S100A16: variants seen among roughly 807,000 people sequenced by gnomAD.
S100A16 encodes S100 calcium binding protein A16.
In S100A16, 8 loss-of-function variants were observed where a neutral mutation model predicts 9.0. The observed-to-expected ratio is 0.89, with a 90% CI of 0.52 to 1.60. The LOEUF is 1.60. Ranked by LOEUF, S100A16 falls within the 40% of genes most tolerant of loss-of-function variation. The pLI is 0.00. For synonymous variants in S100A16, 51 were observed against 51.4 expected, an observed-to-expected ratio of 0.99 and a Z score of 0.04; for missense variants, 138 against 132.4, an observed-to-expected ratio of 1.04 and a Z score of -0.21.
In S100A16 at chr1:153,611,917, TCACA is replaced by T. The variant is rs55729519; in HGVS notation, c.-27+1031_-27+1034del. ...GCGTCTAACTCTCTTTGTCTCTCTC[TCACA>T]CACACACACACACACACACACACAC... On this transcript the variant is annotated intron_variant, in intron 1 of 2. Coordinates refer to ENST00000368706, the MANE Select transcript of S100A16 (RefSeq NM_080388.3). 5.8e-3 allele frequency among the ~76,000 whole-genome samples: 823 copies of T among 140,864 alleles called. 7 individuals carry two copies. Among genetic ancestry groups the T allele is most frequent in the African/African-American group, 0.019 (732 of 38,006 alleles). The allele number at this position is 140,864 out of a possible 152,430, so 92.4% of individuals were successfully genotyped here. A position where few individuals can be genotyped will look rare whatever the true frequency, so the allele number is the denominator to read the frequency against.
chr1:153,612,851 C>T (rs1666868811), intron 1 of S100A16, 101 bp downstream of exon 1: 1 of 152,364 alleles, frequency 6.6e-6, no homozygotes, highest in African/African-American at 2.4e-5. Context: ...CTGGCAGGCC[C>T]CTCTCCCCAG....
rs752881001 is a variant in S100A16 at position 153,607,990 on chromosome 1, AGGCCTTAC to A, written c.153+1_153+8del. Reference sequence around the variant, plus strand: ...GAGGGAGGCAAGGCCCTTGGGTGAGAGGCCTTACCGACAGCATGTGGTTCAGCTCTTTC... The same window carrying A: ...GAGGGAGGCAAGGCCCTTGGGTGAGACGACAGCATGTGGTTCAGCTCTTTC... On this transcript the variant is annotated splice_donor_variant and splice_donor_5th_base_variant and intron_variant, in intron 2 of 2. Coordinates refer to ENST00000368706, the MANE Select transcript of S100A16 (RefSeq NM_080388.3). LOFTEE classifies it high-confidence loss of function. The A allele has an allele frequency of 6.2e-7, 1 of 1,612,930 alleles. No individual in the cohort carries two copies. Among genetic ancestry groups the A allele is most frequent in the Non-Finnish European group, 8.5e-7 (1 of 1,179,216 alleles).
chr1:153,611,834 G>A (rs1257725197), intron 1 of S100A16, among the ~76,000 whole-genome samples: 3 of 137,038 alleles, frequency 2.2e-5, no homozygotes, highest in African/African-American at 5.2e-5. Flanking sequence ...AACAGCTCCC[G>A]GAGCATAGTG....
At position 153,608,135 on chromosome 1, in the gene S100A16, G is replaced by C. The variant is rs142651762; in HGVS notation, c.17C>G (p.Thr6Arg). Reference sequence around the variant, plus strand: ...GACAATGACTGCCTTCTCCAGCTCCGTGTAGCAGTCTGACATCTCCCTGCT... The same window carrying C: ...GACAATGACTGCCTTCTCCAGCTCCCTGTAGCAGTCTGACATCTCCCTGCT... MSDCY[T>R]ELEKAVIVLV... is the part of the protein sequence containing the mutation. The change falls in exon 2 of 3, where the codon ACG becomes AGG. Residue 6 changes from threonine (T) to arginine (R), a missense_variant. Transcript: ENST00000368706. 3.1e-6 allele frequency: 5 copies of C among 1,613,628 alleles called. No homozygotes were observed. The highest frequency in any genetic ancestry group is 1.6e-4 in the Middle Eastern group (1 of 6,080).
At chr1:153,612,774 G>A (rs1337193582) in intron 1 of S100A16, among the ~76,000 whole-genome samples, 178 bp downstream of exon 1, 1 of 152,002 alleles carries the variant, frequency 6.6e-6, no homozygotes, top group Non-Finnish European at 1.5e-5. Flanking sequence ...AACCCCCCAG[G>A]ACTCCCCATT....
intron 1 of S100A16, among the ~76,000 whole-genome samples, chr1:153,608,725 G>A (rs1214161862): frequency 2.0e-5 from 3 of 152,186 alleles, no homozygotes; most frequent in African/African-American, 4.8e-5. Flanking sequence ...AGTGAGTCCC[G>A]GGTCTCAGAA....
chr1:153,609,634 G>GT (rs1434119408), intron 1 of S100A16, among the ~76,000 whole-genome samples: 2 of 152,178 alleles, frequency 1.3e-5, no homozygotes, highest in Non-Finnish European at 2.9e-5. Context: ...CTTTAGGACA[G>GT]TTTTTTCAAT....
At chr1:153,609,899 G>A (rs1325745308) in intron 1 of S100A16, among the ~76,000 whole-genome samples, 2 of 152,112 alleles carry the variant, frequency 1.3e-5, no homozygotes, top group South Asian at 2.1e-4. Context: ...GTCAGGCTGC[G>A]GCTTCTCTGA....
chr1:153,612,096 C>G (rs1666849074), intron 1 of S100A16, among the ~76,000 whole-genome samples: 1 of 150,234 alleles, frequency 6.7e-6, no homozygotes, highest in East Asian at 2.0e-4. Context: ...TGGATCTTGC[C>G]CCCGCCTCCC....
intron 1 of S100A16, chr1:153,609,465 A>C: frequency 1.6e-6 from 1 of 612,530 alleles, no homozygotes; most frequent in Non-Finnish European, 2.0e-6. Context: ...CCTGACTCCC[A>C]CAGACGTGTC....
At chr1:153,609,181 G>C (rs1231178446) in intron 1 of S100A16, 3 of 985,462 alleles carry the variant, frequency 3.0e-6, no homozygotes, top group Non-Finnish European at 3.6e-6. Flanking sequence ...CCCTCACCCG[G>C]CGGGTCCTGG....
In S100A16 at chr1:153,613,057, A is replaced by G. The variant is rs1259948881; in HGVS notation, c.-132T>C. ...CCCAGCCGGGACTCCTCCCCGCTGC[A>G]CTCCCAGAATCTGTCCCACTCCCTC... On this transcript the variant is annotated 5_prime_UTR_variant, in exon 1 of 3. Transcript: ENST00000368706. 6.6e-6 allele frequency: 1 copy of G among 151,344 alleles called. No homozygotes were observed. Among genetic ancestry groups the G allele is most frequent in the Non-Finnish European group, 1.5e-5 (1 of 68,122 alleles). 9.4% of individuals were successfully genotyped at this position (151,344 alleles called of 1,614,324 possible).
rs745584925 is a variant in S100A16 at position 153,607,685 on chromosome 1, C to T, written c.161G>A (p.Gly54Glu). The T allele has an allele frequency of 6.2e-7, 1 of 1,614,174 alleles. No individual in the cohort carries two copies. The highest frequency in any genetic ancestry group is 2.2e-5 in the East Asian group (1 of 44,882). Residue 54 changes from glycine (G) to glutamate (E), a missense_variant, in exon 3 of 3, where the codon GGG becomes GAG. By Grantham distance (98) the Gly-to-Glu change is moderately conservative. Transcript: ENST00000368706. ...KELNHMLSDTGNRKAADKLIQ... is the reference protein window; with the variant it reads ...KELNHMLSDTENRKAADKLIQ... ...GAGCTTATCCGCAGCCTTCCGGTTC[C>T]CTGTGTCCTGGGGAGGAAGCAGGGT...
chr1:153,607,553 TC>T lies in S100A16; in HGVS notation c.292del (p.Glu98SerfsTer19), dbSNP rs1232077355. On this transcript the variant is annotated frameshift_variant, in exon 3 of 3. Transcript: ENST00000368706. LOFTEE classifies it high-confidence loss of function. ...GPIAKLIHEQ[E>X]QQSSS The stretch of plus-strand genomic sequence containing the variant: ...GGGTCTCTAGCTGCTGCTCTGCTGC[TC>T]CTGCTCATGGATGAGTTTGGCGATG... 7 of 1,614,078 alleles carry T rather than the reference TC, an allele frequency of 4.3e-6. No homozygotes were observed. Among genetic ancestry groups the T allele is most frequent in the Non-Finnish European group, 5.9e-6 (7 of 1,180,028 alleles).
At chr1:153,609,476 T>A in intron 1 of S100A16, 1 of 490,206 alleles carries the variant, frequency 2.0e-6, no homozygotes, top group Non-Finnish European at 2.7e-6. Flanking sequence ...CAGACGTGTC[T>A]GTCATCACCA....
intron 1 of S100A16, among the ~76,000 whole-genome samples, chr1:153,612,338 C>T (rs1666856158): frequency 1.3e-5 from 2 of 152,160 alleles, no homozygotes; most frequent in African/African-American, 4.8e-5. Flanking sequence ...ATCTTTCCCT[C>T]TCCCAGGGAG....
intron 1 of S100A16, among the ~76,000 whole-genome samples, chr1:153,610,661 G>A (rs1666814012): frequency 1.3e-5 from 2 of 152,200 alleles, no homozygotes; most frequent in South Asian, 4.1e-4. Context: ...CCCACCTTCG[G>A]TAAAATGGAC....
intron 1 of S100A16, chr1:153,609,067 G>A (rs1666774205): frequency 2.0e-6 from 2 of 985,754 alleles, no homozygotes; most frequent in Non-Finnish European, 2.4e-6. Context: ...GGCGGATCTG[G>A]ATCTACTCTG....
At chr1:153,612,752 C>T (rs939338682) in intron 1 of S100A16, among the ~76,000 whole-genome samples, 200 bp downstream of exon 1, 15 of 152,146 alleles carry the variant, frequency 9.9e-5, no homozygotes, top group African/African-American at 3.4e-4. Flanking sequence ...CTAAAGGCCT[C>T]ACCCAGCCCC....
Sources: gnomAD v4.1 joint callset for allele counts (sites outside exome capture counted in the v4.1 genomes callset) on GRCh38, gnomAD v4.1.1 for gene constraint, MANE v1.5 for transcripts, NCBI Gene and HGNC (gene_info 2026-07-23, HGNC 2026-07-21) for gene names.